GDPD1: variants seen among roughly 807,000 people sequenced by gnomAD.
The protein encoded by GDPD1 is lysophospholipase D GDPD1.
Under a neutral mutation model 45.1 loss-of-function variants are expected in GDPD1, and 28 were observed. The ratio of observed to expected loss-of-function variants is 0.62; its 90% confidence interval spans 0.46 to 0.85. The LOEUF (loss-of-function observed/expected upper bound fraction) is 0.85, where lower values mean the gene tolerates loss of function less well. GDPD1 is among the 40% of genes least tolerant of loss of function. GDPD1 has a pLI of 0.00. For missense variants in GDPD1, 256 were observed against 364.8 expected, an observed-to-expected ratio of 0.70 and a Z score of 2.43; for synonymous variants, 139 against 131.4, an observed-to-expected ratio of 1.06 and a Z score of -0.40.
chr17:59,232,176 G>A (rs1480509517), intron 1 of GDPD1, among the ~76,000 whole-genome samples: 1 of 152,152 alleles, frequency 6.6e-6, no homozygotes, highest in Non-Finnish European at 1.5e-5. Flanking sequence ...GTACAAGCTG[G>A]GCGCGGTGGC....
rs115806667 is a variant in GDPD1 at position 59,267,309 on chromosome 17, T to G, written c.710+135T>G. 179 of 700,126 alleles carry G rather than the reference T, an allele frequency of 2.6e-4. 1 individual carries two copies. The African/African-American group carries it at 3.1e-3, about 12-fold the overall frequency. 43.4% of individuals were successfully genotyped at this position (700,126 alleles called of 1,614,324 possible). A position where few individuals can be genotyped will look rare whatever the true frequency, so the allele number is the denominator to read the frequency against. On this transcript the variant is annotated intron_variant, in intron 7 of 9. Coordinates refer to ENST00000284116, the MANE Select transcript of GDPD1 (RefSeq NM_182569.4). Reference sequence around the variant, plus strand: ...TCCATGTTCTATTACCTGACCTATATTATGCATTTTTATATAATTAAGACA... The same window carrying G: ...TCCATGTTCTATTACCTGACCTATAGTATGCATTTTTATATAATTAAGACA...
intron 3 of GDPD1, among the ~76,000 whole-genome samples, chr17:59,246,056 G>T (rs535815744): frequency 6.6e-6 from 1 of 151,812 alleles, no homozygotes; most frequent in South Asian, 2.1e-4. Context: ...GGAGGTGGAG[G>T]TTGCAGTGAG....
chr17:59,266,354 C>T (rs1230272603), intron 6 of GDPD1, among the ~76,000 whole-genome samples: 2 of 147,854 alleles, frequency 1.4e-5, no homozygotes, highest in African/African-American at 2.5e-5. Context: ...TGCCACTGCA[C>T]TCCAACCTGG....
At chr17:59,254,266 C>T (rs960034490) in intron 4 of GDPD1, among the ~76,000 whole-genome samples, 1 of 149,580 alleles carries the variant, frequency 6.7e-6, no homozygotes, top group Admixed American at 6.8e-5. Flanking sequence ...GAGACTGAGG[C>T]AGGAAAATCA....
chr17:59,245,688 A>T (rs1273078963), intron 3 of GDPD1, 139 bp downstream of exon 3: 11 of 646,016 alleles, frequency 1.7e-5, no homozygotes, highest in Admixed American at 3.3e-5. Flanking sequence ...AGGAAATTTT[A>T]AAAAACTACT....
intron 3 of GDPD1, among the ~76,000 whole-genome samples, chr17:59,246,807 G>A (rs1418413696): frequency 3.4e-5 from 5 of 148,022 alleles, no homozygotes; most frequent in South Asian, 4.4e-4. Flanking sequence ...ACTTTCCATC[G>A]CCCAGGCTGG....
At chr17:59,255,743 CAAA>C (rs1174794003) in intron 4 of GDPD1, among the ~76,000 whole-genome samples, 10 of 26,606 alleles carry the variant, frequency 3.8e-4, no homozygotes, top group Non-Finnish European at 5.6e-4. Context: ...AACTCCGTCT[CAAA>C]AAAAAAAAAA....
chr17:59,260,218 C>A (rs1301597322), intron 6 of GDPD1, among the ~76,000 whole-genome samples: 3 of 151,556 alleles, frequency 2.0e-5, no homozygotes, highest in African/African-American at 7.3e-5. Flanking sequence ...GCAGGACCAT[C>A]TATCTACCCA....
At chr17:59,245,579 C>A (rs1051376096) in intron 3 of GDPD1, 30 bp downstream of exon 3, 2 of 1,550,102 alleles carry the variant, frequency 1.3e-6, no homozygotes, top group Non-Finnish European at 1.7e-6. Context: ...AAACTAATAT[C>A]TAATAGATGT....
intron 2 of GDPD1, among the ~76,000 whole-genome samples, chr17:59,244,624 T>G (rs946062239): frequency 6.6e-6 from 1 of 152,134 alleles, no homozygotes; most frequent in Non-Finnish European, 1.5e-5. Context: ...TGAGCTACCG[T>G]GCCTGTCTAA....
At chr17:59,234,401 AG>A in intron 1 of GDPD1, 90 bp from the exon 2 acceptor site, 6 of 711,332 alleles carry the variant, frequency 8.4e-6, no homozygotes, top group Non-Finnish European at 9.6e-6. Context: ...AAAAAAAAAA[AG>A]GTCAAGATTC....
intron 3 of GDPD1, among the ~76,000 whole-genome samples, chr17:59,246,437 G>T (rs2044055197): frequency 6.6e-6 from 1 of 151,838 alleles, no homozygotes; most frequent in Non-Finnish European, 1.5e-5. Context: ...TGGCCAACAT[G>T]GCAAAACTCC....
intron 1 of GDPD1, among the ~76,000 whole-genome samples, chr17:59,223,681 T>C (rs2147871233): frequency 6.6e-6 from 1 of 152,354 alleles, no homozygotes; most frequent in East Asian, 1.9e-4. Context: ...ATTGAAACAT[T>C]AATCATGTTA....
At chr17:59,257,010 ACTTTTC>A in intron 4 of GDPD1, 106 bp from the exon 5 acceptor site, 1 of 515,764 alleles carries the variant, frequency 1.9e-6, no homozygotes, top group Non-Finnish European at 3.3e-6. Context: ...TCTTCTCTAT[ACTTTTC>A]CTTATTTTAT....
In GDPD1 at chr17:59,257,191, C is replaced by T. The variant is rs1209531842; in HGVS notation, c.437C>T (p.Thr146Ile). ...GAAGTTTTTGAGGCCTTTCCTAACA[C>T]TCCCATTAACATCGATATCAAAGTC... is the stretch of plus-strand genomic sequence containing the variant. ...LKEVFEAFPN[T>I]PINIDIKVNN... is the part of the protein sequence containing the mutation. The change falls in exon 5 of 10, where the codon ACT becomes ATT. Residue 146 changes from threonine to isoleucine, a missense_variant. Physicochemically the swap from Thr to Ile is moderately conservative, Grantham distance 89. Transcript: ENST00000284116. 4 of 1,605,210 alleles carry T rather than the reference C, an allele frequency of 2.5e-6. No individual in the cohort carries two copies. The highest frequency in any genetic ancestry group is 2.7e-5 in the African/African-American group (2 of 74,550).
chr17:59,275,245 A>G lies in GDPD1; in HGVS notation c.*1472A>G. ...AAAATAAAACGGAAAAAAGCTTGGAAATCAGTGATGTGTAGTTATTTGGCA... is the reference window on the plus strand; with the variant it reads ...AAAATAAAACGGAAAAAAGCTTGGAGATCAGTGATGTGTAGTTATTTGGCA... On this transcript the variant is annotated 3_prime_UTR_variant, in exon 10 of 10. Transcript: ENST00000284116. The G allele has an allele frequency of 6.8e-7, 1 of 1,470,652 alleles. No individual in the cohort carries two copies. The highest frequency in any genetic ancestry group is 9.2e-7 in the Non-Finnish European group (1 of 1,086,804). 91.1% of individuals were successfully genotyped at this position (1,470,652 alleles called of 1,614,324 possible).
chr17:59,236,011 C>T (rs1327281508), intron 2 of GDPD1, among the ~76,000 whole-genome samples: 1 of 152,002 alleles, frequency 6.6e-6, no homozygotes, highest in Non-Finnish European at 1.5e-5. Flanking sequence ...TCATCTGTTG[C>T]CCCTGAGGTA....
chr17:59,234,562 CTCTTT>C lies in GDPD1; in HGVS notation c.185+35_185+39del, dbSNP rs1568339679. The C allele has an allele frequency of 5.3e-6, 8 of 1,519,150 alleles. 1 individual carries two copies. In the South Asian group the frequency reaches 9.2e-5, roughly 17 times the overall value. 94.1% of individuals were successfully genotyped at this position (1,519,150 alleles called of 1,614,324 possible). Reference sequence around the variant, plus strand: ...AAGTATGTAAAAAAGGTAAAAGGTACTCTTTTCTTTTACAGTTTGCAGGCTTTCTT... The same window carrying C: ...AAGTATGTAAAAAAGGTAAAAGGTACTCTTTTACAGTTTGCAGGCTTTCTT... On this transcript the variant is annotated intron_variant, in intron 2 of 9. Transcript: ENST00000284116.
At position 59,273,686 on chromosome 17, in the gene GDPD1, C is replaced by T. The variant is rs1413171625; in HGVS notation, c.858C>T (p.Tyr286=). ...YIWVLNEEQE[Y]KRAFDLGATG... ...GGGTATTAAATGAAGAACAAGAATA[C>T]AAAAGAGCTTTTGATTTGGGAGCAA... Residue 286 remains tyrosine, a synonymous_variant, in exon 10 of 10, where the codon TAC becomes TAT. Coordinates refer to ENST00000284116, the MANE Select transcript of GDPD1 (RefSeq NM_182569.4). The T allele has an allele frequency of 6.4e-7, 1 of 1,572,326 alleles. No individual in the cohort carries two copies. Among genetic ancestry groups the T allele is most frequent in the Non-Finnish European group, 8.7e-7 (1 of 1,147,666 alleles).
Sources: allele counts gnomAD v4.1 joint callset (sites outside exome capture counted in the v4.1 genomes callset), GRCh38; gene constraint gnomAD v4.1.1; transcripts MANE v1.5; gene names NCBI Gene and HGNC (gene_info 2026-07-23, HGNC 2026-07-21).